Variants in LRP6 observed in about 807,000 individuals in gnomAD.
LRP6 encodes the protein low-density lipoprotein receptor-related protein 6.
Under a neutral mutation model 184.1 loss-of-function variants are expected in LRP6, and 43 were observed. That is an observed-to-expected ratio of 0.23 (90% confidence interval 0.18 to 0.30). The LOEUF (loss-of-function observed/expected upper bound fraction) is 0.30. LRP6 is among the 10% of genes least tolerant of loss of function. The pLI is 1.00. For synonymous variants in LRP6, 719 were observed against 684.9 expected, an observed-to-expected ratio of 1.05 and a Z score of -0.78; for missense variants, 1,571 against 2,005.3, an observed-to-expected ratio of 0.78 and a Z score of 4.14.
chr12:12,189,373 A>G (rs941592030), intron 3 of LRP6, among the ~76,000 whole-genome samples: 12 of 152,238 alleles, frequency 7.9e-5, no homozygotes, highest in African/African-American at 2.2e-4. Context: ...TTTAAGACAC[A>G]TATTTTCAAT....
chr12:12,130,586 T>C (rs1949737424), intron 19 of LRP6, among the ~76,000 whole-genome samples, 197 bp downstream of exon 19: 1 of 152,224 alleles, frequency 6.6e-6, no homozygotes, highest in African/African-American at 2.4e-5. Context: ...TCTGTGAAGA[T>C]TTCTGTGCAT....
intron 7 of LRP6, among the ~76,000 whole-genome samples, chr12:12,176,939 C>A (rs1292028213): frequency 6.6e-6 from 1 of 150,782 alleles, no homozygotes; most frequent in Non-Finnish European, 1.5e-5. Flanking sequence ...CGTCTGCCTG[C>A]CGGGTTCAAG....
At chr12:12,252,234 AT>A (rs1865341675) in intron 1 of LRP6, among the ~76,000 whole-genome samples, 1 of 151,542 alleles carries the variant, frequency 6.6e-6, no homozygotes, top group African/African-American at 2.4e-5. Context: ...GTAGCCAAGT[AT>A]TTTTTTCCAC....
intron 3 of LRP6, among the ~76,000 whole-genome samples, chr12:12,200,131 T>C (rs1229928716): frequency 6.6e-6 from 1 of 152,160 alleles, no homozygotes; most frequent in Non-Finnish European, 1.5e-5. Flanking sequence ...CTGTGGTCTG[T>C]CAAACTTGCA....
chr12:12,206,557 A>G (rs993250902), intron 2 of LRP6, among the ~76,000 whole-genome samples: 2 of 151,788 alleles, frequency 1.3e-5, no homozygotes, highest in Non-Finnish European at 2.9e-5. Context: ...AAAAAAAAAA[A>G]AAAGAATTTT....
chr12:12,241,183 A>T (rs1198846994), intron 2 of LRP6, among the ~76,000 whole-genome samples: 1 of 152,174 alleles, frequency 6.6e-6, no homozygotes, highest in African/African-American at 2.4e-5. Context: ...GCTATGAGAG[A>T]GCTCAATCAG....
In LRP6 at chr12:12,124,669, GA is replaced by G. The variant is rs139978705; in HGVS notation, c.4450-8del. 3.2e-3 allele frequency: 4,922 copies of G among 1,547,268 alleles called. 149 individuals carry two copies. In the African/African-American group the frequency reaches 0.059, roughly 18 times the overall value. On this transcript the variant is annotated splice_polypyrimidine_tract_variant and splice_region_variant and intron_variant, in intron 21 of 22. Transcript: ENST00000261349. The stretch of plus-strand genomic sequence containing the variant: ...ATGGTGGAGGGTTCAAAATCTAAAA[GA>G]AAAAAATAATTAAAATATTAAAATA...
At chr12:12,249,108 A>G in intron 1 of LRP6, 2 of 704,520 alleles carry the variant, frequency 2.8e-6, no homozygotes. Flanking sequence ...AGACAATGAT[A>G]AAGACGTGAC....
chr12:12,180,943 G>A, intron 6 of LRP6, 100 bp downstream of exon 6: 3 of 1,319,014 alleles, frequency 2.3e-6, no homozygotes, highest in Non-Finnish European at 3.3e-6. Context: ...GCTGTTTACT[G>A]GAAACCAATA....
intron 13 of LRP6, among the ~76,000 whole-genome samples, chr12:12,150,348 T>C (rs1186229214): frequency 2.6e-5 from 4 of 152,230 alleles, no homozygotes; most frequent in Non-Finnish European, 5.9e-5. Context: ...GTGTTATATG[T>C]TTCATATCCT....
At chr12:12,152,355 C>A (rs7137934) in intron 12 of LRP6, among the ~76,000 whole-genome samples, 2 of 152,158 alleles carry the variant, frequency 1.3e-5, no homozygotes, top group Admixed American at 1.3e-4. Context: ...GGTGCGATCT[C>A]GGCTCACTGC....
intron 7 of LRP6, among the ~76,000 whole-genome samples, chr12:12,171,905 G>A (rs1664124117): frequency 6.6e-6 from 1 of 152,186 alleles, no homozygotes; most frequent in African/African-American, 2.4e-5. Context: ...TCATATTCCT[G>A]TAAAAGTTTT....
intron 15 of LRP6, among the ~76,000 whole-genome samples, chr12:12,141,970 C>T (rs1565552452): frequency 6.6e-6 from 1 of 152,110 alleles, no homozygotes. Context: ...AAAATTCACA[C>T]GTGTATTTTG....
rs149162816 is a variant in LRP6 at position 12,193,801 on chromosome 12, C to T, written c.648-6682G>A. 2.3e-3 allele frequency among the ~76,000 whole-genome samples: 351 copies of T among 152,162 alleles called. 1 individual carries two copies. The highest frequency in any genetic ancestry group is 8.2e-3 in the African/African-American group (341 of 41,556). ...CAGGAAAAGTTGTATCAACTGGTCA[C>T]ACACTTTTCCAGAAAACAAAGAAAG... On this transcript the variant is annotated intron_variant, in intron 3 of 22. Transcript: ENST00000261349.
At chr12:12,192,334 T>C (rs1308634498) in intron 3 of LRP6, among the ~76,000 whole-genome samples, 2 of 149,122 alleles carry the variant, frequency 1.3e-5, no homozygotes, top group Non-Finnish European at 3.0e-5. Flanking sequence ...CACCAGAAAA[T>C]ATCTACTTAA....
At chr12:12,190,539 C>T (rs966780355) in intron 3 of LRP6, among the ~76,000 whole-genome samples, 1 of 152,224 alleles carries the variant, frequency 6.6e-6, no homozygotes, top group Non-Finnish European at 1.5e-5. Context: ...ACCTCCCAGG[C>T]ACCTCTTGCT....
chr12:12,212,394 A>G (rs1864235131), intron 2 of LRP6, among the ~76,000 whole-genome samples: 1 of 152,232 alleles, frequency 6.6e-6, no homozygotes, highest in Non-Finnish European at 1.5e-5. Flanking sequence ...AATGCACAAA[A>G]GCATGAAGAG....
chr12:12,125,086 G>A (rs1949654823), intron 21 of LRP6, among the ~76,000 whole-genome samples: 1 of 152,182 alleles, frequency 6.6e-6, no homozygotes, highest in Non-Finnish European at 1.5e-5. Context: ...TTAATGCCCA[G>A]TGCTTTCAAG....
intron 3 of LRP6, 145 bp from the exon 4 acceptor site, chr12:12,187,264 T>A: frequency 1.5e-6 from 1 of 685,712 alleles, no homozygotes; most frequent in Admixed American, 2.4e-5. Flanking sequence ...AATACACCTA[T>A]AAAAAATAAT....
Sources: allele counts gnomAD v4.1 joint callset (sites outside exome capture counted in the v4.1 genomes callset), GRCh38; gene constraint gnomAD v4.1.1; transcripts MANE v1.5; gene names NCBI Gene and HGNC (gene_info 2026-07-23, HGNC 2026-07-21).